Variants in PCDH15 observed in about 807,000 individuals in gnomAD.
PCDH15 encodes protocadherin related 15.
PCDH15 carries 129 observed loss-of-function variants against 178.5 expected under a neutral mutation model. The ratio of observed to expected loss-of-function variants is 0.72; its 90% confidence interval spans 0.63 to 0.84. The LOEUF (loss-of-function observed/expected upper bound fraction) is 0.84. Among genes scored for constraint, PCDH15 ranks in the 40% least tolerant of loss-of-function variants. PCDH15 has a pLI of 0.00. For synonymous variants in PCDH15, 800 were observed against 732.0 expected (o/e 1.09, Z -1.50); for missense variants, 2,230 against 2,099.9 (o/e 1.06, Z -1.21).
At chr10:55,194,894 T>C (rs1215286281) in intron 1 of PCDH15, among the ~76,000 whole-genome samples, 2 of 152,114 alleles carry the variant, frequency 1.3e-5, no homozygotes, top group Admixed American at 6.5e-5. Context: ...TATATGTTTA[T>C]ATACAATTCA....
At chr10:55,497,288 C>T (rs1840555366) in intron 2 of PCDH15, among the ~76,000 whole-genome samples, 2 of 151,582 alleles carry the variant, frequency 1.3e-5, no homozygotes, top group African/African-American at 4.8e-5. Context: ...CACCATGACG[C>T]CTGGCTGATT....
chr10:54,042,668 G>T (rs145496460), intron 18 of PCDH15, among the ~76,000 whole-genome samples: 3 of 152,190 alleles, frequency 2.0e-5, no homozygotes, highest in Non-Finnish European at 4.4e-5. Context: ...AGAGCAGGAG[G>T]AGCCAAGTCA....
intron 2 of PCDH15, among the ~76,000 whole-genome samples, chr10:55,110,514 C>G (rs557156504): frequency 1.3e-5 from 2 of 152,092 alleles, no homozygotes; most frequent in African/African-American, 4.8e-5. Context: ...GTTCTAATTC[C>G]ATAACAATCA....
intron 2 of PCDH15, among the ~76,000 whole-genome samples, chr10:54,569,004 AT>A (rs1241919261): frequency 7.2e-5 from 11 of 151,986 alleles, no homozygotes; most frequent in Non-Finnish European, 1.5e-4. Flanking sequence ...GGAATAATCT[AT>A]AAAAATTGCT....
chr10:53,819,561 A>C (rs971990850), intron 33 of PCDH15, among the ~76,000 whole-genome samples: 1 of 152,012 alleles, frequency 6.6e-6, no homozygotes, highest in African/African-American at 2.4e-5. Context: ...TTTATTTTAT[A>C]TCATGTATAT....
rs562877826 is a variant in PCDH15, at chr10:54,360,496, A to G, written c.474+8624T>C. On this transcript the variant is annotated intron_variant, in intron 5 of 37. Transcript: ENST00000644397. ...TGGCATTTTGGTAAAAATTACCTCTATGGTGAGCTAACTATTATGCATGTA... is the reference window on the plus strand; with the variant it reads ...TGGCATTTTGGTAAAAATTACCTCTGTGGTGAGCTAACTATTATGCATGTA... Among the ~76,000 whole-genome samples the G allele has an allele frequency of 1.4e-4, 21 of 152,152 alleles. No homozygotes were observed. The East Asian group carries it at 3.9e-3, about 28-fold the overall frequency.
At chr10:55,585,751 A>ATG (rs1254754345) in intron 2 of PCDH15, among the ~76,000 whole-genome samples, 5 of 151,866 alleles carry the variant, frequency 3.3e-5, no homozygotes, top group South Asian at 2.1e-4. Flanking sequence ...GTATATATAT[A>ATG]TGTGTGTGTG....
chr10:55,458,908 A>C (rs1022860489), intron 2 of PCDH15, among the ~76,000 whole-genome samples: 1 of 152,080 alleles, frequency 6.6e-6, no homozygotes, highest in East Asian at 1.9e-4. Context: ...TGTCTACTCA[A>C]AAAGTTTATA....
In PCDH15 at chr10:53,806,587, T is replaced by A. The variant is rs1554814611; in HGVS notation, c.5215A>T (p.Lys1739Ter). The A allele has an allele frequency of 2.5e-6, 4 of 1,593,550 alleles. No individual in the cohort carries two copies. Among genetic ancestry groups the A allele is most frequent in the Non-Finnish European group, 8.6e-7 (1 of 1,168,272 alleles). The change falls in exon 38 of 38, where the codon AAA becomes TAA. Residue 1739 changes from lysine to a stop codon, truncating the protein, a stop_gained. Coordinates refer to ENST00000644397, the MANE Select transcript of PCDH15 (RefSeq NM_001384140.1). LOFTEE classifies it high-confidence loss of function. Reference protein sequence around the residue: ...PWNNLHIPMTKL With the variant: ...PWNNLHIPMT ...ATCTTTTAAAAAATTGGTCACAGTT[T>A]TGTCATTGGTATATGGAGGTTGTTC...
intron 15 of PCDH15, 134 bp from the exon 16 acceptor site, chr10:54,090,197 C>A: frequency 1.4e-6 from 1 of 714,540 alleles, no homozygotes; most frequent in South Asian, 1.6e-5. Flanking sequence ...TAAAGCATGG[C>A]CTAATGGCAA....
intron 2 of PCDH15, among the ~76,000 whole-genome samples, chr10:54,928,664 GACTA>G (rs1837690226): frequency 6.6e-6 from 1 of 151,824 alleles, no homozygotes; most frequent in Admixed American, 6.6e-5. Flanking sequence ...AGTCTTTTCT[GACTA>G]ACTTATTTCA....
At chr10:54,524,818 G>A (rs981838779) in intron 3 of PCDH15, among the ~76,000 whole-genome samples, 3 of 152,022 alleles carry the variant, frequency 2.0e-5, no homozygotes, top group East Asian at 1.9e-4. Flanking sequence ...CCTTTACAAC[G>A]TAAGCTTAGT....
At chr10:55,587,531 A>G (rs1269661041) in intron 2 of PCDH15, among the ~76,000 whole-genome samples, 2 of 152,170 alleles carry the variant, frequency 1.3e-5, no homozygotes, top group African/African-American at 4.8e-5. Context: ...GTTGCCTATA[A>G]TATTTTATTA....
At chr10:54,308,032 C>G (rs1484338812) in intron 8 of PCDH15, among the ~76,000 whole-genome samples, 1 of 151,974 alleles carries the variant, frequency 6.6e-6, no homozygotes, top group Non-Finnish European at 1.5e-5. Context: ...GAGCTATTAC[C>G]TTCATTTTGT....
At chr10:54,424,167 G>GA (rs1367302947) in intron 3 of PCDH15, among the ~76,000 whole-genome samples, 1 of 151,484 alleles carries the variant, frequency 6.6e-6, no homozygotes, top group Non-Finnish European at 1.5e-5. Flanking sequence ...AAATTTACAA[G>GA]AAAAAAACAA....
At chr10:54,021,789 G>A (rs750982641) in intron 19 of PCDH15, among the ~76,000 whole-genome samples, 23 of 151,842 alleles carry the variant, frequency 1.5e-4, no homozygotes, top group Non-Finnish European at 3.1e-4. Flanking sequence ...CTGAAAACTC[G>A]AAGAAAGCAG....
chr10:54,586,659 A>G (rs2091489771), intron 2 of PCDH15, among the ~76,000 whole-genome samples: 1 of 152,156 alleles, frequency 6.6e-6, no homozygotes, highest in Non-Finnish European at 1.5e-5. Flanking sequence ...GGTACTCCTC[A>G]ATTTACAGTT....
At position 55,207,408 on chromosome 10, in the gene PCDH15, G is replaced by A. The variant is rs575670475; in HGVS notation, c.-155-40757C>T. Among the ~76,000 whole-genome samples, 9 of 152,096 alleles carry A rather than the reference G, an allele frequency of 5.9e-5. No homozygotes were observed. In the South Asian group the frequency reaches 1.7e-3, roughly 28 times the overall value. ...GCCTAAATTAGTAGTTGTCAGGCCCGAGTAACCACTATGCATTTCACATTG... is the reference window on the plus strand; with the variant it reads ...GCCTAAATTAGTAGTTGTCAGGCCCAAGTAACCACTATGCATTTCACATTG... On this transcript the variant is annotated intron_variant, in intron 1 of 5. Coordinates refer to the PCDH15 transcript ENST00000458638.
At chr10:54,511,118 G>C (rs1418046814) in intron 3 of PCDH15, among the ~76,000 whole-genome samples, 8 of 152,140 alleles carry the variant, frequency 5.3e-5, no homozygotes, top group South Asian at 4.1e-4. Context: ...ATGTCAATTT[G>C]AGAGGTAAAC....
Sources: gnomAD v4.1 joint callset for allele counts (sites outside exome capture counted in the v4.1 genomes callset) on GRCh38, gnomAD v4.1.1 for gene constraint, MANE v1.5 for transcripts, NCBI Gene and HGNC (gene_info 2026-07-23, HGNC 2026-07-21) for gene names.